The following PLEKHA8 variants were observed in gnomAD, a reference collection of about 807,000 sequenced individuals.
PLEKHA8 encodes the protein pleckstrin homology domain containing A8.
PLEKHA8 carries 36 observed loss-of-function variants against 68.2 expected under a neutral mutation model. That is an observed-to-expected ratio of 0.53 (90% CI 0.40 to 0.70). The LOEUF is 0.70. Among genes scored for constraint, PLEKHA8 ranks in the 30% least tolerant of loss-of-function variants. The pLI, the probability that PLEKHA8 is intolerant of heterozygous loss-of-function variation, is 0.00. For synonymous variants in PLEKHA8, 211 were observed against 216.1 expected, an observed-to-expected ratio of 0.98 and a Z score of 0.20; for missense variants, 505 against 615.4, an observed-to-expected ratio of 0.82 and a Z score of 1.90.
chr7:30,061,003 T>G lies in PLEKHA8; in HGVS notation c.1098+61T>G, dbSNP rs112433642. 3.0e-4 allele frequency: 450 copies of G among 1,513,346 alleles called. 3 individuals carry two copies. The African/African-American group carries it at 5.6e-3, about 19-fold the overall frequency. 93.7% of individuals were successfully genotyped at this position (1,513,346 alleles called of 1,614,324 possible). On this transcript the variant is annotated intron_variant, in intron 10 of 13. Transcript: ENST00000449726. ...AATAAAGGAAAATGTTCTCAACATT[T>G]TTGTGCTTGGCCAGAATAAATCAAA...
At chr7:30,115,146 A>G (rs143076639) in intron 13 of PLEKHA8, among the ~76,000 whole-genome samples, 1 of 152,138 alleles carries the variant, frequency 6.6e-6, no homozygotes, top group Non-Finnish European at 1.5e-5. Context: ...CAGTTCATTC[A>G]TGCATTTAAA....
chr7:30,033,207 T>C (rs1790795246), intron 1 of PLEKHA8, among the ~76,000 whole-genome samples: 3 of 152,218 alleles, frequency 2.0e-5, no homozygotes, highest in Non-Finnish European at 4.4e-5. Flanking sequence ...TCAGTGATTT[T>C]AGTATATATA....
intron 13 of PLEKHA8, among the ~76,000 whole-genome samples, chr7:30,106,846 G>A (rs182769346): frequency 6.6e-6 from 1 of 152,224 alleles, no homozygotes; most frequent in Non-Finnish European, 1.5e-5. Context: ...GATTTAAAAT[G>A]TACGGGAGGA....
chr7:30,044,703 G>T (rs1791811923), intron 1 of PLEKHA8, among the ~76,000 whole-genome samples: 2 of 152,120 alleles, frequency 1.3e-5, no homozygotes, highest in Non-Finnish European at 2.9e-5. Context: ...AGTATGTTCA[G>T]GACATCCTAA....
chr7:30,045,137 T>G lies in PLEKHA8; in HGVS notation c.93T>G (p.Asp31Glu), dbSNP rs777816655. 6.2e-7 allele frequency: 1 copy of G among 1,612,560 alleles called. No individual in the cohort carries two copies. The change falls in exon 2 of 14, where the codon GAT (aspartate) becomes GAG (glutamate). Residue 31 changes from aspartate (D) to glutamate (E), a missense_variant. Asp to Glu is a conservative substitution (Grantham distance 45). Transcript: ENST00000449726. ...LLCGGILSYY[D>E]SPEDAWKGCK... is the part of the protein sequence containing the mutation. The stretch of plus-strand genomic sequence containing the variant: ...GTGGGGGAATATTGTCCTATTATGA[T>G]TCTCCTGAAGATGCCTGGAAAGGTT...
At position 30,081,850 on chromosome 7, in the gene PLEKHA8, T is replaced by C; in HGVS notation, c.*3063T>C. On this transcript the variant is annotated 3_prime_UTR_variant, in exon 14 of 14. Coordinates refer to ENST00000449726, the MANE Select transcript of PLEKHA8 (RefSeq NM_001197026.2). Reference sequence around the variant, plus strand: ...CTATGGTAAAAGCCAGTGTTTACACTTTGTAGGGATCAGGGTGTATTTGTT... The same window carrying C: ...CTATGGTAAAAGCCAGTGTTTACACCTTGTAGGGATCAGGGTGTATTTGTT... 1 of 985,430 alleles carries C rather than the reference T, an allele frequency of 1.0e-6. No homozygotes were observed. The highest frequency in any genetic ancestry group is 4.7e-5 in the South Asian group (1 of 21,282). 61.0% of individuals were successfully genotyped at this position (985,430 alleles called of 1,614,324 possible).
chr7:30,078,179 A>G (rs76710064), intron 13 of PLEKHA8, among the ~76,000 whole-genome samples: 1,895 of 152,252 alleles, frequency 0.012, 28 homozygotes, highest in Non-Finnish European at 0.019. Flanking sequence ...TGAGATACAA[A>G]TAAGAGAATG....
rs950425344 is a variant in PLEKHA8, at chr7:30,078,641, G to A, written c.1414G>A (p.Val472Ile). 10 of 1,613,830 alleles carry A rather than the reference G, an allele frequency of 6.2e-6. No individual in the cohort carries two copies. Among genetic ancestry groups the A allele is most frequent in the Admixed American group, 3.3e-5 (2 of 59,958 alleles). ...SYEDFVAALT[V>I]KEGDHQKEAF... ...TGAAGATTTTGTGGCCGCGTTAACC[G>A]TAAAGGAAGGTGACCACCAGAAAGA... is the stretch of plus-strand genomic sequence containing the variant. Residue 472 changes from valine (V) to isoleucine (I), a missense_variant, in exon 14 of 14, where the codon GTA (valine) becomes ATA (isoleucine). Physicochemically the swap from Val to Ile is conservative, Grantham distance 29. Transcript: ENST00000449726.
intron 11 of PLEKHA8, 53 bp downstream of exon 11, chr7:30,062,080 C>G: frequency 6.4e-7 from 1 of 1,560,562 alleles, no homozygotes; most frequent in Non-Finnish European, 8.6e-7. Context: ...AAAAAATTAC[C>G]AGCAAAAAAA....
chr7:30,108,171 C>T (rs1222783541), intron 13 of PLEKHA8, among the ~76,000 whole-genome samples: 1 of 148,974 alleles, frequency 6.7e-6, no homozygotes, highest in Non-Finnish European at 1.5e-5. Flanking sequence ...GATTTTCTAA[C>T]TTTAACCATC....
chr7:30,029,145 T>A (rs1205675667), intron 1 of PLEKHA8, among the ~76,000 whole-genome samples: 1 of 152,330 alleles, frequency 6.6e-6, no homozygotes, highest in Admixed American at 6.5e-5. Context: ...ATCTCTTGAA[T>A]TTTGGCGAAG....
At position 30,049,259 on chromosome 7, in the gene PLEKHA8, C is replaced by G. The variant is rs774915237; in HGVS notation, c.474C>G (p.Thr158=). ...GIDVGTLLKS[T]CNTFLKTLEE... ...ATGTGGGAACTTTGCTGAAATCAAC[C>G]TGTAATACTTTTCTGAAGACCTTGG... The change falls in exon 5 of 14, where the codon ACC becomes ACG. Residue 158 remains threonine, a synonymous_variant. Coordinates refer to ENST00000449726, the MANE Select transcript of PLEKHA8 (RefSeq NM_001197026.2). 2.9e-5 allele frequency: 46 copies of G among 1,613,794 alleles called. No individual in the cohort carries two copies. The highest frequency in any genetic ancestry group is 3.6e-5 in the Non-Finnish European group (42 of 1,179,992).
intron 13 of PLEKHA8, among the ~76,000 whole-genome samples, chr7:30,103,840 T>A (rs1001639321): frequency 3.3e-5 from 5 of 152,200 alleles, no homozygotes; most frequent in Non-Finnish European, 7.3e-5. Context: ...TAGAGCATTA[T>A]TTTTTAGGAT....
intron 9 of PLEKHA8, among the ~76,000 whole-genome samples, chr7:30,056,276 T>C (rs908772537): frequency 1.5e-4 from 9 of 58,244 alleles, no homozygotes; most frequent in African/African-American, 4.6e-4. Context: ...TTTAAAGATA[T>C]ATTCTCTCTC....
chr7:30,074,115 G>A lies in PLEKHA8; in HGVS notation c.1345G>A (p.Val449Ile). The change falls in exon 13 of 14, where the codon GTT becomes ATT. Residue 449 changes from valine (V) to isoleucine (I), a missense_variant. Val to Ile is a conservative substitution (Grantham distance 29, BLOSUM62 3). Transcript: ENST00000449726. The part of the protein sequence containing the change: ...KTLRQHHGWV[V>I]RGVFALALRA... The stretch of plus-strand genomic sequence containing the variant: ...ATTGCGGCAACACCATGGCTGGGTA[G>A]TTCGAGGGGTTTTTGCGGTAAGTGA... The A allele has an allele frequency of 6.2e-7, 1 of 1,613,268 alleles. No homozygotes were observed. Among genetic ancestry groups the A allele is most frequent in the Admixed American group, 1.7e-5 (1 of 59,984 alleles).
chr7:30,050,680 GTTGGC>G, intron 6 of PLEKHA8: 1 of 539,740 alleles, frequency 1.9e-6, no homozygotes, highest in South Asian at 3.4e-5. Context: ...TAGGGAAGAT[GTTGGC>G]ATTTTCCCTA....
At chr7:30,048,104 T>C in intron 4 of PLEKHA8, 148 bp downstream of exon 4, 1 of 391,186 alleles carries the variant, frequency 2.6e-6, no homozygotes, top group Non-Finnish European at 3.9e-6. Flanking sequence ...AGGTGGTGTT[T>C]ACTCTCATCT....
chr7:30,076,275 A>G (rs958180323), intron 13 of PLEKHA8, among the ~76,000 whole-genome samples: 165 of 152,276 alleles, frequency 1.1e-3, no homozygotes, highest in African/African-American at 3.9e-3. Flanking sequence ...ATATTTTCCT[A>G]GTATGGAGAT....
intron 13 of PLEKHA8, chr7:30,115,753 C>T (rs1440365654): frequency 1.4e-5 from 2 of 147,808 alleles, no homozygotes; most frequent in Non-Finnish European, 3.0e-5. Context: ...TACATACGTG[C>T]ACATACATGT....
Sources: gnomAD v4.1 joint callset for allele counts (sites outside exome capture counted in the v4.1 genomes callset) on GRCh38, gnomAD v4.1.1 for gene constraint, MANE v1.5 for transcripts, NCBI Gene and HGNC (gene_info 2026-07-23, HGNC 2026-07-21) for gene names.